The following CARMIL1 variants were observed in gnomAD, a reference collection of about 807,000 sequenced individuals.
CARMIL1 encodes capping protein regulator and myosin 1 linker 1.
CARMIL1 carries 90 observed loss-of-function variants against 177.1 expected under a neutral mutation model. The ratio of observed to expected loss-of-function variants is 0.51; its 90% CI spans 0.43 to 0.61. The LOEUF is 0.61. Ranked by LOEUF, CARMIL1 falls within the 20% of genes least tolerant of loss-of-function variation. The pLI, the probability that CARMIL1 is intolerant of heterozygous loss-of-function variation, is 0.00. For synonymous variants in CARMIL1, 577 were observed against 606.2 expected (o/e 0.95, Z 0.71); for missense variants, 1,380 against 1,667.0 (o/e 0.83, Z 3.00).
chr6:25,440,123 C>T (rs1562138486), intron 5 of CARMIL1, among the ~76,000 whole-genome samples: 1 of 152,168 alleles, frequency 6.6e-6, no homozygotes, highest in Non-Finnish European at 1.5e-5. Flanking sequence ...AATCCATTTC[C>T]AGTACCTTGT....
At chr6:25,478,062 T>C (rs566324573) in intron 11 of CARMIL1, among the ~76,000 whole-genome samples, 11 of 152,250 alleles carry the variant, frequency 7.2e-5, no homozygotes, top group African/African-American at 2.6e-4. Context: ...TCTCACTCTG[T>C]TGCCCAGGCT....
Position 25,520,324 on chromosome 6 carries a change from A to C in CARMIL1, c.1955A>C (p.Asp652Ala). ...ALKTNPEKTE[D>A]ALQKIENYLL... ...AAAACAAACCCTGAAAAAACAGAAG[A>C]CGCTCTGCAAAAGGTATTAAAGAAT... Residue 652 changes from aspartate to alanine, a missense_variant, in exon 23 of 37, where the codon GAC becomes GCC. By Grantham distance (126) the Asp-to-Ala change is moderately radical (BLOSUM62 -2). Transcript: ENST00000329474. 6.5e-7 allele frequency: 1 copy of C among 1,542,282 alleles called. No homozygotes were observed. Among genetic ancestry groups the C allele is most frequent in the Non-Finnish European group, 8.8e-7 (1 of 1,136,892 alleles).
intron 2 of CARMIL1, among the ~76,000 whole-genome samples, chr6:25,304,663 C>T (rs2150183866): frequency 6.6e-6 from 1 of 152,330 alleles, no homozygotes; most frequent in South Asian, 2.1e-4. Context: ...TCCTAACAGG[C>T]CACAGACTGG....
intron 26 of CARMIL1, among the ~76,000 whole-genome samples, chr6:25,544,312 G>A (rs909910040): frequency 1.3e-5 from 2 of 152,040 alleles, no homozygotes; most frequent in East Asian, 1.9e-4. Flanking sequence ...ATCTAGAATC[G>A]TTGTAATAAA....
chr6:25,528,299 C>T (rs1011317551), intron 23 of CARMIL1, among the ~76,000 whole-genome samples: 5 of 152,042 alleles, frequency 3.3e-5, no homozygotes, highest in Non-Finnish European at 7.4e-5. Context: ...AATCTTGTTG[C>T]GATTCTTTCT....
intron 2 of CARMIL1, among the ~76,000 whole-genome samples, chr6:25,290,710 G>T (rs1243014431): frequency 2.0e-5 from 3 of 152,062 alleles, no homozygotes; most frequent in African/African-American, 7.2e-5. Context: ...GAACTATTCT[G>T]TTTTGTTTAC....
intron 2 of CARMIL1, among the ~76,000 whole-genome samples, chr6:25,355,720 T>C (rs1788527359): frequency 6.6e-6 from 1 of 152,176 alleles, no homozygotes; most frequent in Middle Eastern, 3.2e-3. Context: ...CCTCTCAGAA[T>C]AAATGCCTGA....
At chr6:25,317,515 C>CTT (rs569860618) in intron 2 of CARMIL1, among the ~76,000 whole-genome samples, 3 of 121,650 alleles carry the variant, frequency 2.5e-5, no homozygotes, top group African/African-American at 9.3e-5. Flanking sequence ...AATTCCTAAG[C>CTT]TTTTTTTTTT....
At chr6:25,562,602 C>G (rs1351402604) in intron 29 of CARMIL1, among the ~76,000 whole-genome samples, 1 of 152,164 alleles carries the variant, frequency 6.6e-6, no homozygotes, top group Non-Finnish European at 1.5e-5. Flanking sequence ...TGACTGCCCT[C>G]ACAGGCTACC....
chr6:25,610,156 C>G lies in CARMIL1; in HGVS notation c.3954C>G (p.Pro1318=). 6.2e-7 allele frequency: 1 copy of G among 1,613,818 alleles called. No individual in the cohort carries two copies. Among genetic ancestry groups the G allele is most frequent in the Non-Finnish European group, 8.5e-7 (1 of 1,179,834 alleles). The change falls in exon 36 of 37, where the codon CCC becomes CCG. Residue 1318 remains proline (P), a synonymous_variant. Transcript: ENST00000329474. ...KERDGQSSPQ[P]SPRTFSQEVS... ...GAGATGGCCAGAGTAGCCCCCAGCC[C>G]AGCCCCAGGACATTTTCACAGGAAG...
At chr6:25,420,307 CTT>C in intron 3 of CARMIL1, 143 bp downstream of exon 3, 2 of 785,884 alleles carry the variant, frequency 2.5e-6, no homozygotes, top group Non-Finnish European at 2.2e-6. Flanking sequence ...CTTACATAGA[CTT>C]TTGATTTAAG....
chr6:25,394,971 A>C (rs1193257844), intron 2 of CARMIL1, among the ~76,000 whole-genome samples: 1 of 152,242 alleles, frequency 6.6e-6, no homozygotes, highest in East Asian at 1.9e-4. Context: ...GGTAACTCTT[A>C]GACTATTTAT....
chr6:25,584,026 C>CTT lies in CARMIL1; in HGVS notation c.3006+2605_3006+2606dup, dbSNP rs71544648. 2.5e-3 allele frequency among the ~76,000 whole-genome samples: 296 copies of CTT among 119,094 alleles called. 3 individuals are homozygous for CTT. The highest frequency in any genetic ancestry group is 0.018 in the South Asian group (62 of 3,376). The allele number at this position is 119,094 out of a possible 152,430, so 78.1% of individuals were successfully genotyped here. Reference sequence around the variant, plus strand: ...TACTTTTATCTTTTCTTTTCTTTTTCTTTTTTTTTTTTTTTTTTTGAGACA... The same window carrying CTT: ...TACTTTTATCTTTTCTTTTCTTTTTCTTTTTTTTTTTTTTTTTTTTTGAGACA... On this transcript the variant is annotated intron_variant, in intron 31 of 36. Coordinates refer to ENST00000329474, the MANE Select transcript of CARMIL1 (RefSeq NM_017640.6).
chr6:25,455,738 G>A (rs1343533927), intron 8 of CARMIL1, among the ~76,000 whole-genome samples: 1 of 152,132 alleles, frequency 6.6e-6, no homozygotes, highest in East Asian at 1.9e-4. Context: ...CTGCCTAGAA[G>A]TTTGTAACTG....
At chr6:25,514,287 C>T (rs1805743253) in intron 20 of CARMIL1, among the ~76,000 whole-genome samples, 1 of 152,154 alleles carries the variant, frequency 6.6e-6, no homozygotes, top group Non-Finnish European at 1.5e-5. Flanking sequence ...TGGTTCACGC[C>T]TGTAATCCTA....
Position 25,347,218 on chromosome 6 carries a change from T to C in CARMIL1, c.138+62309T>C, listed in dbSNP as rs1249414819. ...TATTACTTCAGTTCTACCTCTCTTGTTTGGGAAATAATATCTCCAGTCCTC... is the reference window on the plus strand; with the variant it reads ...TATTACTTCAGTTCTACCTCTCTTGCTTGGGAAATAATATCTCCAGTCCTC... On this transcript the variant is annotated intron_variant, in intron 2 of 36. Coordinates refer to ENST00000329474, the MANE Select transcript of CARMIL1 (RefSeq NM_017640.6). Among the ~76,000 whole-genome samples, 6 of 152,200 alleles carry C rather than the reference T, an allele frequency of 3.9e-5. No homozygotes were observed. In the East Asian group the frequency reaches 1.2e-3, roughly 29 times the overall value.
In CARMIL1 at chr6:25,517,401, T is replaced by C; in HGVS notation, c.1860T>C (p.Ala620=). 1 of 1,613,162 alleles carries C rather than the reference T, an allele frequency of 6.2e-7. No homozygotes were observed. The highest frequency in any genetic ancestry group is 8.5e-7 in the Non-Finnish European group (1 of 1,179,524). Reference sequence around the variant, plus strand: ...CTGCACAAGGCTTTCAGGATATAGCTGTTGCTATGGAAAAGTAAGTTTGAA... The same window carrying C: ...CTGCACAAGGCTTTCAGGATATAGCCGTTGCTATGGAAAAGTAAGTTTGAA... The part of the protein sequence containing the change: ...NITAQGFQDI[A]VAMEKNYTLR... The change falls in exon 22 of 37, where the codon GCT becomes GCC. Residue 620 remains alanine, a synonymous_variant. Coordinates refer to ENST00000329474, the MANE Select transcript of CARMIL1 (RefSeq NM_017640.6).
intron 2 of CARMIL1, among the ~76,000 whole-genome samples, chr6:25,393,244 A>G (rs1031046162): frequency 1.3e-5 from 2 of 152,150 alleles, no homozygotes; most frequent in African/African-American, 2.4e-5. Context: ...AAATAAAATT[A>G]TAGGTGAGAT....
At chr6:25,338,788 A>C (rs76497563) in intron 2 of CARMIL1, among the ~76,000 whole-genome samples, 7,866 of 152,238 alleles carry the variant, frequency 0.052, 277 homozygotes, top group Non-Finnish European at 0.087. Context: ...CTGTTTATGG[A>C]AGGATTTTAC....
Sources: gnomAD v4.1 joint callset for allele counts (sites outside exome capture counted in the v4.1 genomes callset) on GRCh38, gnomAD v4.1.1 for gene constraint, MANE v1.5 for transcripts, NCBI Gene and HGNC (gene_info 2026-07-23, HGNC 2026-07-21) for gene names.